LRRC3: variants seen among roughly 807,000 people sequenced by gnomAD.
LRRC3 encodes the protein leucine rich repeat containing 3.
For missense variants in LRRC3, 351 were observed against 361.6 expected (o/e 0.97, Z 0.24); for synonymous variants, 172 against 164.1 (o/e 1.05, Z -0.37).
chr21:44,456,772 C>A lies in LRRC3; in HGVS notation c.128C>A (p.Ala43Glu). 2 of 1,611,058 alleles carry A rather than the reference C, an allele frequency of 1.2e-6. No individual in the cohort carries two copies. The highest frequency in any genetic ancestry group is 1.7e-6 in the Non-Finnish European group (2 of 1,179,904). ...CAGCCCTGCCGGTGCCCTGACCACGCAGGGGCTGTGGCTGTCTTCTGCAGC... is the reference window on the plus strand; with the variant it reads ...CAGCCCTGCCGGTGCCCTGACCACGAAGGGGCTGTGGCTGTCTTCTGCAGC... The part of the protein sequence containing the change: ...CPQPCRCPDH[A>E]GAVAVFCSLR... Residue 43 changes from alanine (A) to glutamate (E), a missense_variant, in exon 2 of 2, where the codon GCA (alanine) becomes GAA (glutamate). Transcript: ENST00000291592.
At position 44,456,986 on chromosome 21, in the gene LRRC3, C is replaced by T; in HGVS notation, c.342C>T (p.Gly114=). 6.2e-7 allele frequency: 1 copy of T among 1,606,880 alleles called. No individual in the cohort carries two copies. The highest frequency in any genetic ancestry group is 8.5e-7 in the Non-Finnish European group (1 of 1,179,864). ...GSATFAGLAG[G]LRLLDLSYNR... is the part of the protein sequence containing the mutation. ...CCACCTTCGCGGGCCTGGCCGGGGGCCTGCGGCTGCTGGACCTGTCTTACA... is the reference window on the plus strand; with the variant it reads ...CCACCTTCGCGGGCCTGGCCGGGGGTCTGCGGCTGCTGGACCTGTCTTACA... Residue 114 remains glycine, a synonymous_variant, in exon 2 of 2, where the codon GGC becomes GGT. Coordinates refer to ENST00000291592, the MANE Select transcript of LRRC3 (RefSeq NM_030891.6).
chr21:44,456,634 G>A lies in LRRC3; in HGVS notation c.-11G>A. ...GAGGCTCGCGTGTCCCCGTCCCCAG[G>A]TCAGGTCAGGATGGGCACCGTGCGC... On this transcript the variant is annotated 5_prime_UTR_variant, in exon 2 of 2. Coordinates refer to ENST00000291592, the MANE Select transcript of LRRC3 (RefSeq NM_030891.6). 1.9e-6 allele frequency: 3 copies of A among 1,572,094 alleles called. No homozygotes were observed. Among genetic ancestry groups the A allele is most frequent in the Non-Finnish European group, 2.6e-6 (3 of 1,158,252 alleles).
In LRRC3 at chr21:44,461,144, G is replaced by A. The variant is rs565570190; in HGVS notation, c.*3726G>A. ...ACCAGCAGAGCCATCCTGATCCACA[G>A]GACCATCCCTGGTGGGGTGGGGCCC... On this transcript the variant is annotated 3_prime_UTR_variant, in exon 2 of 2. Coordinates refer to ENST00000291592, the MANE Select transcript of LRRC3 (RefSeq NM_030891.6). 11 of 152,670 alleles carry A rather than the reference G, an allele frequency of 7.2e-5. No homozygotes were observed. The East Asian group carries it at 2.1e-3, about 29-fold the overall frequency. The allele number at this position is 152,670 out of a possible 1,614,324, so 9.5% of individuals were successfully genotyped here.
chr21:44,457,444 G>A lies in LRRC3; in HGVS notation c.*26G>A. ...CGCCTGTTCCGGCAGACCCCCGCCG[G>A]TGGCTGCTGTCACTTTTGTAGTAGG... On this transcript the variant is annotated 3_prime_UTR_variant, in exon 2 of 2. Transcript: ENST00000291592. 6.5e-7 allele frequency: 1 copy of A among 1,542,890 alleles called. No individual in the cohort carries two copies. Among genetic ancestry groups the A allele is most frequent in the Non-Finnish European group, 8.7e-7 (1 of 1,143,184 alleles).
rs1314579206 is a variant in LRRC3 at position 44,460,464 on chromosome 21, G to A, written c.*3046G>A. 6.6e-6 allele frequency: 1 copy of A among 152,598 alleles called. No homozygotes were observed. The highest frequency in any genetic ancestry group is 3.1e-3 in the Middle Eastern group (1 of 318). 9.5% of individuals were successfully genotyped at this position (152,598 alleles called of 1,614,324 possible). A position where few individuals can be genotyped will look rare whatever the true frequency, so the allele number is the denominator to read the frequency against. The stretch of plus-strand genomic sequence containing the variant: ...CACATCTGCAGAGGCCGTGGGCTCA[G>A]CCCCACACCAGCCAGGCCACCAGTG... On this transcript the variant is annotated 3_prime_UTR_variant, in exon 2 of 2. Transcript: ENST00000291592.
rs911377761 is a variant in LRRC3, at chr21:44,457,480, T to C, written c.*62T>C. The C allele has an allele frequency of 2.0e-6, 3 of 1,500,892 alleles. No individual in the cohort carries two copies. In the African/African-American group the frequency reaches 4.2e-5, roughly 21 times the overall value. 93.0% of individuals were successfully genotyped at this position (1,500,892 alleles called of 1,614,324 possible). On this transcript the variant is annotated 3_prime_UTR_variant, in exon 2 of 2. Coordinates refer to ENST00000291592, the MANE Select transcript of LRRC3 (RefSeq NM_030891.6). ...CACTTTTGTAGTAGGTGGTGACTGA[T>C]GCTGCTTTTGCTCTTCCCTGAGGCA...
chr21:44,456,982 G>C lies in LRRC3; in HGVS notation c.338G>C (p.Gly113Ala), dbSNP rs749731059. ...TCCGCCACCTTCGCGGGCCTGGCCGGGGGCCTGCGGCTGCTGGACCTGTCT... is the reference window on the plus strand; with the variant it reads ...TCCGCCACCTTCGCGGGCCTGGCCGCGGGCCTGCGGCTGCTGGACCTGTCT... ...IGSATFAGLAGGLRLLDLSYN... is the reference protein window; with the variant it reads ...IGSATFAGLAAGLRLLDLSYN... Residue 113 changes from glycine to alanine, a missense_variant, in exon 2 of 2, where the codon GGG becomes GCG. By Grantham distance (60) the Gly-to-Ala change is moderately conservative. Transcript: ENST00000291592. The C allele has an allele frequency of 6.2e-7, 1 of 1,607,072 alleles. No homozygotes were observed. Among genetic ancestry groups the C allele is most frequent in the Non-Finnish European group, 8.5e-7 (1 of 1,179,872 alleles).
chr21:44,456,843 G>A lies in LRRC3; in HGVS notation c.199G>A (p.Val67Met), dbSNP rs761382785. The A allele has an allele frequency of 6.8e-6, 11 of 1,611,194 alleles. No homozygotes were observed. The highest frequency in any genetic ancestry group is 2.2e-5 in the East Asian group (1 of 44,822). The change falls in exon 2 of 2, where the codon GTG becomes ATG. Residue 67 changes from valine (V) to methionine (M), a missense_variant. Coordinates refer to ENST00000291592, the MANE Select transcript of LRRC3 (RefSeq NM_030891.6). ...CCCCGAGGACATCCCGGCCAACACCGTGCTCCTGAAGCTCGATGCCAACAA... is the reference window on the plus strand; with the variant it reads ...CCCCGAGGACATCCCGGCCAACACCATGCTCCTGAAGCTCGATGCCAACAA... ...EVPEDIPANT[V>M]LLKLDANKIS...
chr21:44,460,679 GC>G lies in LRRC3; in HGVS notation c.*3264del, dbSNP rs1394811846. ...GGGCAGGGCTTAGCTTCCTGATGCC[GC>G]CCATTCACCACTTTCACCCCGGGAA... is the stretch of plus-strand genomic sequence containing the variant. On this transcript the variant is annotated 3_prime_UTR_variant, in exon 2 of 2. Transcript: ENST00000291592. 6.6e-6 allele frequency: 1 copy of G among 152,084 alleles called. No individual in the cohort carries two copies. The highest frequency in any genetic ancestry group is 1.5e-5 in the Non-Finnish European group (1 of 68,044). The allele number at this position is 152,084 out of a possible 1,614,324, so 9.4% of individuals were successfully genotyped here.
chr21:44,458,520 G>T lies in LRRC3; in HGVS notation c.*1102G>T, dbSNP rs897672414. On this transcript the variant is annotated 3_prime_UTR_variant, in exon 2 of 2. Transcript: ENST00000291592. ...TAAAACAGCTCTTTTTCCAAGGCCC[G>T]GAGTACTGGGGATTGATGTTTCAAG... The T allele has an allele frequency of 6.0e-6, 1 of 167,042 alleles. No homozygotes were observed. Among genetic ancestry groups the T allele is most frequent in the Admixed American group, 6.5e-5 (1 of 15,286 alleles). The allele number at this position is 167,042 out of a possible 1,614,324, so 10.3% of individuals were successfully genotyped here.
intron 1 of LRRC3, among the ~76,000 whole-genome samples, chr21:44,456,234 C>T (rs1379488920): frequency 1.3e-5 from 2 of 152,168 alleles, no homozygotes; most frequent in African/African-American, 2.4e-5. Context: ...CAGGGGTGGC[C>T]GCAGTGACCA....
Position 44,456,636 on chromosome 21 carries a change from C to A in LRRC3, c.-9C>A. ...GGCTCGCGTGTCCCCGTCCCCAGGT[C>A]AGGTCAGGATGGGCACCGTGCGCCC... On this transcript the variant is annotated 5_prime_UTR_variant, in exon 2 of 2. It introduces an in-frame stop codon into an upstream open reading frame of the 5' UTR. Coordinates refer to ENST00000291592, the MANE Select transcript of LRRC3 (RefSeq NM_030891.6). 1.3e-6 allele frequency: 2 copies of A among 1,572,886 alleles called. No individual in the cohort carries two copies. The highest frequency in any genetic ancestry group is 2.3e-5 in the South Asian group (2 of 87,206).
chr21:44,456,417 A>C, intron 1 of LRRC3, 81 bp from the exon 2 acceptor site: 3 of 563,866 alleles, frequency 5.3e-6, no homozygotes. Context: ...CCACCAGTGG[A>C]CGCGTTTCCC....
chr21:44,456,819 CCCGAGGACAT>C lies in LRRC3; in HGVS notation c.178_187del (p.Glu60ArgfsTer7), dbSNP rs1485402120. 1 of 1,611,768 alleles carries C rather than the reference CCCGAGGACAT, an allele frequency of 6.2e-7. No homozygotes were observed. Among genetic ancestry groups the C allele is most frequent in the Non-Finnish European group, 8.5e-7 (1 of 1,179,516 alleles). ...CAGCTTGCGGGGCCTTCAGGAGGTC[CCCGAGGACAT>C]CCCGGCCAACACCGTGCTCCTGAAG... On this transcript the variant is annotated frameshift_variant, in exon 2 of 2. Coordinates refer to ENST00000291592, the MANE Select transcript of LRRC3 (RefSeq NM_030891.6). LOFTEE classifies it low-confidence loss of function (END_TRUNC).
In LRRC3 at chr21:44,458,209, G is replaced by A. The variant is rs1380017881; in HGVS notation, c.*791G>A. The A allele has an allele frequency of 6.3e-6, 1 of 157,492 alleles. No homozygotes were observed. Among genetic ancestry groups the A allele is most frequent in the African/African-American group, 2.4e-5 (1 of 41,462 alleles). 9.8% of individuals were successfully genotyped at this position (157,492 alleles called of 1,614,324 possible). A position where few individuals can be genotyped will look rare whatever the true frequency, so the allele number is the denominator to read the frequency against. On this transcript the variant is annotated 3_prime_UTR_variant, in exon 2 of 2. Coordinates refer to ENST00000291592, the MANE Select transcript of LRRC3 (RefSeq NM_030891.6). ...GCCCCTCTGGGTGTGCCTGATGCGG[G>A]AGGCCCTGCCCCAGGGCGATCTCAG...
rs780296763 is a variant in LRRC3, at chr21:44,456,723, C to G, written c.79C>G (p.Leu27Val). 6.2e-7 allele frequency: 1 copy of G among 1,609,874 alleles called. No homozygotes were observed. The highest frequency in any genetic ancestry group is 1.3e-5 in the African/African-American group (1 of 75,044). The change falls in exon 2 of 2, where the codon CTG becomes GTG. Residue 27 changes from leucine (L) to valine (V), a missense_variant. Leu to Val is a conservative substitution (Grantham distance 32, BLOSUM62 1). Transcript: ENST00000291592. ...RESCLFLLFCLHLGAACPQPC... is the reference protein window; with the variant it reads ...RESCLFLLFCVHLGAACPQPC... Reference sequence around the variant, plus strand: ...GTCTTGTCTCTTCCTCCTCTTCTGCCTGCACCTGGGCGCCGCCTGCCCACA... The same window carrying G: ...GTCTTGTCTCTTCCTCCTCTTCTGCGTGCACCTGGGCGCCGCCTGCCCACA...
In LRRC3 at chr21:44,456,945, G is replaced by C; in HGVS notation, c.301G>C (p.Glu101Gln). 4 of 1,609,370 alleles carry C rather than the reference G, an allele frequency of 2.5e-6. No individual in the cohort carries two copies. Among genetic ancestry groups the C allele is most frequent in the Non-Finnish European group, 2.5e-6 (3 of 1,179,898 alleles). ...RELDLSHNAI[E>Q]AIGSATFAGL... is the part of the protein sequence containing the mutation. ...GCTGGATCTGTCTCACAACGCCATC[G>C]AGGCCATCGGCTCCGCCACCTTCGC... The change falls in exon 2 of 2, where the codon GAG becomes CAG. Residue 101 changes from glutamate to glutamine, a missense_variant. Coordinates refer to ENST00000291592, the MANE Select transcript of LRRC3 (RefSeq NM_030891.6).
rs1239134996 is a variant in LRRC3 at position 44,459,865 on chromosome 21, GGGA to G, written c.*2455_*2457del. On this transcript the variant is annotated 3_prime_UTR_variant, in exon 2 of 2. Coordinates refer to ENST00000291592, the MANE Select transcript of LRRC3 (RefSeq NM_030891.6). ...GCTGGGCCCCTGTCCACCTCCTGCTGGGAGGAGGAGATGGGGAGAGGACCAGGA... is the reference window on the plus strand; with the variant it reads ...GCTGGGCCCCTGTCCACCTCCTGCTGGGAGGAGATGGGGAGAGGACCAGGA... 6.6e-6 allele frequency: 1 copy of G among 152,202 alleles called. No homozygotes were observed. Among genetic ancestry groups the G allele is most frequent in the African/African-American group, 2.4e-5 (1 of 41,382 alleles). 9.4% of individuals were successfully genotyped at this position (152,202 alleles called of 1,614,324 possible). A position where few individuals can be genotyped will look rare whatever the true frequency, so the allele number is the denominator to read the frequency against.
In LRRC3 at chr21:44,458,532, A is replaced by T. The variant is rs941151216; in HGVS notation, c.*1114A>T. Reference sequence around the variant, plus strand: ...TTTTCCAAGGCCCGGAGTACTGGGGATTGATGTTTCAAGGCCAATCAATGG... The same window carrying T: ...TTTTCCAAGGCCCGGAGTACTGGGGTTTGATGTTTCAAGGCCAATCAATGG... On this transcript the variant is annotated 3_prime_UTR_variant, in exon 2 of 2. Coordinates refer to ENST00000291592, the MANE Select transcript of LRRC3 (RefSeq NM_030891.6). 6.0e-6 allele frequency: 1 copy of T among 167,008 alleles called. No individual in the cohort carries two copies. Among genetic ancestry groups the T allele is most frequent in the African/African-American group, 2.4e-5 (1 of 41,420 alleles). 10.3% of individuals were successfully genotyped at this position (167,008 alleles called of 1,614,324 possible). A position where few individuals can be genotyped will look rare whatever the true frequency, so the allele number is the denominator to read the frequency against.
Sources: gnomAD v4.1 joint callset for allele counts (sites outside exome capture counted in the v4.1 genomes callset) on GRCh38, gnomAD v4.1.1 for gene constraint, MANE v1.5 for transcripts, NCBI Gene and HGNC (gene_info 2026-07-23, HGNC 2026-07-21) for gene names.